The following NUCB2 variants were observed in gnomAD, a reference collection of about 807,000 sequenced individuals.
NUCB2 encodes nucleobindin 2.
Under a neutral mutation model 57.9 loss-of-function variants are expected in NUCB2, and 48 were observed. The observed-to-expected ratio is 0.83, with a 90% confidence interval of 0.66 to 1.05. NUCB2 has a LOEUF of 1.05. Ranked by LOEUF, NUCB2 falls within the 50% of genes least tolerant of loss-of-function variation. The pLI is 0.00. For synonymous variants in NUCB2, 139 were observed against 152.1 expected (o/e 0.91, Z 0.64); for missense variants, 442 against 476.2 (o/e 0.93, Z 0.67).
rs781548527 is a variant in NUCB2 at position 17,310,852 on chromosome 11, A to G, written c.511A>G (p.Lys171Glu). ...AACAAGTGATCTGGAACACTATGAC[A>G]AGACTCGTCATGAAGAATTTAAAAA... ...AATSDLEHYDKTRHEEFKKYE... is the reference protein window; with the variant it reads ...AATSDLEHYDETRHEEFKKYE... Residue 171 changes from lysine to glutamate, a missense_variant, in exon 7 of 14, where the codon AAG (lysine) becomes GAG (glutamate). Physicochemically the swap from Lys to Glu is moderately conservative, Grantham distance 56. Transcript: ENST00000529010. 1 of 1,588,472 alleles carries G rather than the reference A, an allele frequency of 6.3e-7. No homozygotes were observed. The highest frequency in any genetic ancestry group is 1.2e-5 in the South Asian group (1 of 84,920).
chr11:17,344,627 C>A (rs1591649198), intron 2 of NUCB2, among the ~76,000 whole-genome samples: 2 of 152,202 alleles, frequency 1.3e-5, no homozygotes, highest in East Asian at 3.8e-4. Context: ...CAAACAAATT[C>A]TTCCCTTCCC....
chr11:17,281,308 TG>T (rs1471120123), intron 1 of NUCB2, among the ~76,000 whole-genome samples: 3 of 151,588 alleles, frequency 2.0e-5, no homozygotes, highest in Non-Finnish European at 2.9e-5. Context: ...TTTGTAGAGG[TG>T]GGGTTTCACC....
At chr11:17,335,321 CAT>C (rs1406819002), downstream of NUCB2, among the ~76,000 whole-genome samples, 5 of 152,118 alleles carry the variant, frequency 3.3e-5, no homozygotes, top group South Asian at 6.2e-4. Context: ...AATTGGAAGA[CAT>C]AGAGTAATTT....
intron 1 of NUCB2, among the ~76,000 whole-genome samples, chr11:17,280,759 A>AC (rs1423827967): frequency 5.3e-5 from 8 of 152,314 alleles, no homozygotes; most frequent in Admixed American, 5.2e-4. Context: ...TGACTGTAAG[A>AC]CCGGGCATGA....
intron 10 of NUCB2, 127 bp from the exon 11 acceptor site, chr11:17,315,259 G>A (rs760535845): frequency 1.9e-5 from 9 of 476,604 alleles, no homozygotes; most frequent in Non-Finnish European, 2.6e-5. Context: ...TCCAGTTTCT[G>A]TGGAAGTTAA....
intron 5 of NUCB2, among the ~76,000 whole-genome samples, chr11:17,304,620 T>C (rs1300624076): frequency 6.6e-6 from 1 of 152,138 alleles, no homozygotes; most frequent in East Asian, 1.9e-4. Context: ...AAATAATTAA[T>C]GGAAAAAATT....
intron 11 of NUCB2, among the ~76,000 whole-genome samples, chr11:17,322,650 A>C (rs1198989088): frequency 6.6e-6 from 1 of 152,152 alleles, no homozygotes; most frequent in East Asian, 1.9e-4. Context: ...TATGGACTGC[A>C]CTGAATTTGT....
At position 17,320,844 on chromosome 11, in the gene NUCB2, T is replaced by A. The variant is rs183224225; in HGVS notation, c.1002+5369T>A. On this transcript the variant is annotated intron_variant, in intron 11 of 13. Coordinates refer to ENST00000529010, the MANE Select transcript of NUCB2 (RefSeq NM_005013.4). ...ATTCAAGCTTTAGGATTTTCCTGTC[T>A]TGTGGATTTTAATTTTCTTGAGTAT... is the stretch of plus-strand genomic sequence containing the variant. 3.4e-3 allele frequency among the ~76,000 whole-genome samples: 523 copies of A among 152,360 alleles called. 2 individuals are homozygous for A. Among genetic ancestry groups the A allele is most frequent in the Non-Finnish European group, 5.1e-3 (347 of 68,030 alleles).
At chr11:17,288,561 T>TTTTTTTTTTC in intron 2 of NUCB2, among the ~76,000 whole-genome samples, 1 of 141,990 alleles carries the variant, frequency 7.0e-6, no homozygotes, top group African/African-American at 2.7e-5. Flanking sequence ...TCTTTTTTTT[T>TTTTTTTTTTC]TTTTTTTGAG....
intron 2 of NUCB2, among the ~76,000 whole-genome samples, chr11:17,287,614 A>G (rs1404972247): frequency 6.8e-6 from 1 of 148,042 alleles, no homozygotes; most frequent in Admixed American, 6.9e-5. Context: ...TGAAGGCTGC[A>G]GTGAGCCAAG....
At chr11:17,296,259 T>C in intron 4 of NUCB2, 48 bp downstream of exon 4, 2 of 1,225,592 alleles carry the variant, frequency 1.6e-6, no homozygotes, top group South Asian at 3.0e-5. Flanking sequence ...TAATTTAAAA[T>C]TTTTTTAGAG....
intron 2 of NUCB2, among the ~76,000 whole-genome samples, chr11:17,290,697 A>G (rs931853940): frequency 2.0e-5 from 3 of 152,172 alleles, no homozygotes; most frequent in African/African-American, 7.2e-5. Flanking sequence ...AAAAAGAGAC[A>G]AAATCATGAT....
At chr11:17,338,990 T>A (rs980800880) in intron 2 of NUCB2, among the ~76,000 whole-genome samples, 9 of 149,522 alleles carry the variant, frequency 6.0e-5, no homozygotes, top group Non-Finnish European at 1.3e-4. Flanking sequence ...TTTATTTTAT[T>A]TATTTATTTA....
intron 11 of NUCB2, among the ~76,000 whole-genome samples, chr11:17,329,778 C>CT (rs1951158891): frequency 6.6e-6 from 1 of 152,140 alleles, no homozygotes; most frequent in African/African-American, 2.4e-5. Context: ...GCTTCTTGTG[C>CT]TTTTCTGTGT....
Position 17,295,447 on chromosome 11 carries a change from A to C in NUCB2, c.124A>C (p.Ser42Arg). The C allele has an allele frequency of 6.2e-7, 1 of 1,612,080 alleles. No homozygotes were observed. The highest frequency in any genetic ancestry group is 8.5e-7 in the Non-Finnish European group (1 of 1,179,346). The change falls in exon 3 of 14, where the codon AGT becomes CGT. Residue 42 changes from serine to arginine, a missense_variant. Coordinates refer to ENST00000529010, the MANE Select transcript of NUCB2 (RefSeq NM_005013.4). ...TKVQNIHPVE[S>R]AKIEPPDTGL... is the part of the protein sequence containing the mutation. ...AGTACAAAATATTCACCCTGTGGAA[A>C]GTGCGAAGATAGAACCACCAGTAAG...
At chr11:17,310,219 A>C (rs1948274503) in intron 6 of NUCB2, among the ~76,000 whole-genome samples, 1 of 150,264 alleles carries the variant, frequency 6.7e-6, no homozygotes, top group Non-Finnish European at 1.5e-5. Context: ...AGATTTGATA[A>C]TAGTTCCTTT....
intron 5 of NUCB2, among the ~76,000 whole-genome samples, chr11:17,307,018 A>G (rs562737500): frequency 1.2e-4 from 19 of 152,280 alleles, no homozygotes; most frequent in African/African-American, 4.1e-4. Context: ...AATTTGAGGA[A>G]GGGCTTAAAC....
At chr11:17,314,423 T>C (rs118146168) in intron 10 of NUCB2, among the ~76,000 whole-genome samples, 5 of 152,318 alleles carry the variant, frequency 3.3e-5, no homozygotes, top group Non-Finnish European at 7.4e-5. Flanking sequence ...TCCAAAAGAT[T>C]CGTGACTTCA....
At chr11:17,287,927 G>C (rs984848347) in intron 2 of NUCB2, among the ~76,000 whole-genome samples, 1 of 152,176 alleles carries the variant, frequency 6.6e-6, no homozygotes, top group Non-Finnish European at 1.5e-5. Context: ...GAACCCAGGA[G>C]GTGGAGGTTG....
Sources: allele counts gnomAD v4.1 joint callset (sites outside exome capture counted in the v4.1 genomes callset), GRCh38; gene constraint gnomAD v4.1.1; transcripts MANE v1.5; gene names NCBI Gene and HGNC (gene_info 2026-07-23, HGNC 2026-07-21).